The following ZBTB46 variants were observed in gnomAD, a reference collection of about 807,000 sequenced individuals.
ZBTB46 encodes zinc finger and BTB domain-containing protein 46.
In ZBTB46, 8 loss-of-function variants were observed where a neutral mutation model predicts 44.1. That is an observed-to-expected ratio of 0.18 (90% CI 0.11 to 0.33). ZBTB46 has a LOEUF of 0.33. Among genes scored for constraint, ZBTB46 ranks in the 10% least tolerant of loss-of-function variants. The pLI is 1.00. For missense variants in ZBTB46, 651 were observed against 847.7 expected, an observed-to-expected ratio of 0.77 and a Z score of 2.88; for synonymous variants, 409 against 382.3, an observed-to-expected ratio of 1.07 and a Z score of -0.81.
At chr20:63,782,456 T>G (rs1008638540) in intron 2 of ZBTB46, among the ~76,000 whole-genome samples, 1 of 152,162 alleles carries the variant, frequency 6.6e-6, no homozygotes, top group Non-Finnish European at 1.5e-5. Context: ...CTCCAGGGGA[T>G]GCAGCCCTGC....
chr20:63,762,677 C>CAAA (rs767054579), intron 3 of ZBTB46, among the ~76,000 whole-genome samples: 2 of 104,556 alleles, frequency 1.9e-5, no homozygotes, highest in African/African-American at 9.2e-5. Context: ...AACAAACAAA[C>CAAA]AAAAAAAAAA....
At chr20:63,793,204 G>A (rs2092575091) in intron 1 of ZBTB46, among the ~76,000 whole-genome samples, 3 of 152,236 alleles carry the variant, frequency 2.0e-5, no homozygotes, top group African/African-American at 7.2e-5. Context: ...CTTGAGGGCT[G>A]GAGGCAAACG....
At chr20:63,820,265 G>GT (rs1009199977) in intron 1 of ZBTB46, among the ~76,000 whole-genome samples, 15 of 151,612 alleles carry the variant, frequency 9.9e-5, no homozygotes, top group African/African-American at 2.9e-4. Context: ...AGCTAATTTT[G>GT]TTTTTTTGTA....
At chr20:63,764,264 G>C (rs760663084) in intron 3 of ZBTB46, among the ~76,000 whole-genome samples, 3 of 152,068 alleles carry the variant, frequency 2.0e-5, no homozygotes, top group Non-Finnish European at 4.4e-5. Flanking sequence ...TGGTGAAACC[G>C]TCTCTACTAA....
chr20:63,827,024 C>A (rs112934991), intron 1 of ZBTB46, among the ~76,000 whole-genome samples: 2 of 152,106 alleles, frequency 1.3e-5, no homozygotes, highest in African/African-American at 4.8e-5. Flanking sequence ...TCCCTTCCCT[C>A]GAGTCACCTT....
intron 2 of ZBTB46, among the ~76,000 whole-genome samples, chr20:63,785,417 C>T (rs1026805905): frequency 1.3e-4 from 20 of 151,668 alleles, no homozygotes; most frequent in African/African-American, 3.4e-4. Context: ...AGAAATTAGC[C>T]GGGCGTGGTC....
chr20:63,777,635 T>G (rs773922559), intron 2 of ZBTB46, among the ~76,000 whole-genome samples: 1 of 152,106 alleles, frequency 6.6e-6, no homozygotes, highest in African/African-American at 2.4e-5. Flanking sequence ...GTTCCACATG[T>G]ACGCATGCAG....
At chr20:63,820,470 C>G (rs930481326) in intron 1 of ZBTB46, among the ~76,000 whole-genome samples, 1 of 150,520 alleles carries the variant, frequency 6.6e-6, no homozygotes, top group Non-Finnish European at 1.5e-5. Flanking sequence ...GAGTTTTGCT[C>G]TTGTTGCCCA....
chr20:63,813,852 T>A (rs1201299986), intron 1 of ZBTB46, among the ~76,000 whole-genome samples: 1 of 152,042 alleles, frequency 6.6e-6, no homozygotes, highest in Non-Finnish European at 1.5e-5. Context: ...GCTGAGGAAG[T>A]GTTGCGGGGT....
chr20:63,822,997 C>T (rs1365537334), intron 1 of ZBTB46, among the ~76,000 whole-genome samples: 2 of 103,488 alleles, frequency 1.9e-5, no homozygotes, highest in Admixed American at 9.7e-5. Flanking sequence ...CCCGTCTGTA[C>T]TAAAACTTAA....
chr20:63,799,747 G>T (rs368365385), intron 1 of ZBTB46, among the ~76,000 whole-genome samples: 2 of 152,160 alleles, frequency 1.3e-5, no homozygotes, highest in Non-Finnish European at 2.9e-5. Flanking sequence ...CCCAGCTGTC[G>T]GGGAAGTGCG....
At chr20:63,799,660 T>A (rs1306234960) in intron 1 of ZBTB46, among the ~76,000 whole-genome samples, 1 of 152,200 alleles carries the variant, frequency 6.6e-6, no homozygotes, top group East Asian at 1.9e-4. Context: ...GTGAAACTAA[T>A]CTTTTAGCAG....
chr20:63,816,843 G>A (rs2004748), intron 1 of ZBTB46, among the ~76,000 whole-genome samples: 27,180 of 152,072 alleles, frequency 0.18, 2,920 homozygotes, highest in East Asian at 0.45. Context: ...GGTGGCTCAC[G>A]CCTGTAATCC....
intron 2 of ZBTB46, among the ~76,000 whole-genome samples, chr20:63,776,999 A>G (rs1278743273): frequency 1.3e-5 from 2 of 151,140 alleles, no homozygotes; most frequent in African/African-American, 4.9e-5. Flanking sequence ...TCCACCACAC[A>G]ATACGGTTCC....
At chr20:63,827,872 A>G (rs958281949) in intron 1 of ZBTB46, among the ~76,000 whole-genome samples, 3 of 152,228 alleles carry the variant, frequency 2.0e-5, no homozygotes, top group African/African-American at 7.2e-5. Context: ...CACTGGTTTC[A>G]TTTGTTTTTA....
intron 2 of ZBTB46, among the ~76,000 whole-genome samples, chr20:63,776,701 G>A (rs2092428441): frequency 6.6e-6 from 1 of 151,956 alleles, no homozygotes; most frequent in Non-Finnish European, 1.5e-5. Flanking sequence ...CTACTCAGTA[G>A]GCTGCGGCAG....
At chr20:63,768,076 G>A in intron 3 of ZBTB46, 1 of 985,402 alleles carries the variant, frequency 1.0e-6, no homozygotes, top group Non-Finnish European at 1.2e-6. Context: ...CACTCACCTG[G>A]GATGTTGTCC....
intron 3 of ZBTB46, among the ~76,000 whole-genome samples, chr20:63,771,222 G>A (rs1001941326): frequency 6.6e-6 from 1 of 152,204 alleles, no homozygotes; most frequent in African/African-American, 2.4e-5. Context: ...GGAGGAGAGA[G>A]GAGCCGGCGG....
intron 2 of ZBTB46, 102 bp downstream of exon 2, chr20:63,789,719 C>G (rs757312146): frequency 4.1e-4 from 608 of 1,497,138 alleles, no homozygotes; most frequent in Non-Finnish European, 5.2e-4. Context: ...AGAAAGCCAC[C>G]AGTGTGAGCC....
Sources: gnomAD v4.1 joint callset for allele counts (sites outside exome capture counted in the v4.1 genomes callset) on GRCh38, gnomAD v4.1.1 for gene constraint, MANE v1.5 for transcripts, NCBI Gene and HGNC (gene_info 2026-07-23, HGNC 2026-07-21) for gene names.